Variants in CPHXL2 observed in about 807,000 individuals in gnomAD.
CPHXL2 encodes the protein cytoplasmic polyadenylated homeobox-like protein 2.
the CPHXL2 span, chr16:75,660,762 G>A: frequency 2.5e-6 from 1 of 398,710 alleles, no homozygotes; most frequent in South Asian, 1.3e-4. Context: ...ATATGGCACA[G>A]AAGATGGGGG....
At chr16:75,669,314 C>CG in the CPHXL2 span, 2 of 304,620 alleles carry the variant, frequency 6.6e-6, no homozygotes, top group South Asian at 3.6e-4. Context: ...GAGACCTTTC[C>CG]TAAAAAAAAA....
At chr16:75,662,986 G>C in the CPHXL2 span, among the ~76,000 whole-genome samples, 9 of 152,044 alleles carry the variant, frequency 5.9e-5, no homozygotes, top group Non-Finnish European at 1.2e-4. Flanking sequence ...ATTTTTAGTA[G>C]AGACGGGGTT....
the CPHXL2 span, among the ~76,000 whole-genome samples, chr16:75,666,628 A>T: frequency 5.9e-5 from 9 of 151,914 alleles, 1 homozygote; most frequent in African/African-American, 2.2e-4. Flanking sequence ...AAAAAAAAAA[A>T]AAAATGGAGG....
chr16:75,664,838 C>T, the CPHXL2 span, among the ~76,000 whole-genome samples: 1 of 152,052 alleles, frequency 6.6e-6, no homozygotes, highest in African/African-American at 2.4e-5. Context: ...GACCCCTGAG[C>T]TAGTACCCTC....
At chr16:75,669,622 G>A in the CPHXL2 span, 3 of 397,934 alleles carry the variant, frequency 7.5e-6, no homozygotes, top group Non-Finnish European at 1.3e-5. Flanking sequence ...CCAAAGAAGA[G>A]TGTTAGCACC....
chr16:75,667,862 G>GACT, the CPHXL2 span, among the ~76,000 whole-genome samples: 5 of 152,156 alleles, frequency 3.3e-5, no homozygotes, highest in Admixed American at 6.5e-5. Context: ...CCCCTCCTTA[G>GACT]TAAAAGGCAA....
At chr16:75,669,292 G>C in the CPHXL2 span, 1 of 394,288 alleles carries the variant, frequency 2.5e-6, no homozygotes, top group Non-Finnish European at 4.4e-6. Flanking sequence ...CTCCAGACTG[G>C]GCGACTGGAG....
the CPHXL2 span, among the ~76,000 whole-genome samples, chr16:75,662,210 A>G: frequency 6.6e-6 from 1 of 152,062 alleles, no homozygotes; most frequent in East Asian, 1.9e-4. Flanking sequence ...AGAGTGAGAT[A>G]TGGGGGAAGG....
the CPHXL2 span, among the ~76,000 whole-genome samples, chr16:75,666,688 A>G: frequency 6.6e-6 from 1 of 152,240 alleles, no homozygotes. Flanking sequence ...GACAAAGTCA[A>G]CAAAAAACAA....
the CPHXL2 span, among the ~76,000 whole-genome samples, chr16:75,672,768 C>T: frequency 1.3e-5 from 2 of 152,122 alleles, no homozygotes; most frequent in African/African-American, 4.8e-5. Flanking sequence ...GGGATACAGG[C>T]GTGAGCCACC....
the CPHXL2 span, among the ~76,000 whole-genome samples, chr16:75,665,845 A>C: frequency 6.6e-6 from 1 of 152,204 alleles, no homozygotes; most frequent in Non-Finnish European, 1.5e-5. Context: ...AGCCTGGGCA[A>C]CAGAGCAAGA....
At chr16:75,666,109 C>A in the CPHXL2 span, among the ~76,000 whole-genome samples, 3 of 151,918 alleles carry the variant, frequency 2.0e-5, no homozygotes, top group Non-Finnish European at 4.4e-5. Flanking sequence ...GCAATGGATA[C>A]CAAAAGCAAG....
At chr16:75,671,869 C>G in the CPHXL2 span, among the ~76,000 whole-genome samples, 1 of 152,198 alleles carries the variant, frequency 6.6e-6, no homozygotes, top group Admixed American at 6.5e-5. Context: ...AAATGGAATC[C>G]AAATCAGGGG....
the CPHXL2 span, among the ~76,000 whole-genome samples, chr16:75,665,727 G>A: frequency 6.6e-6 from 1 of 152,138 alleles, no homozygotes. Context: ...TCTGGACATG[G>A]TGGCAGGCGT....
the CPHXL2 span, among the ~76,000 whole-genome samples, chr16:75,674,092 G>A: frequency 1.7e-4 from 26 of 151,110 alleles, no homozygotes; most frequent in Non-Finnish European, 3.1e-4. Flanking sequence ...TCTGTACTTT[G>A]GCTGGGGGTG....
At chr16:75,662,802 T>A in the CPHXL2 span, among the ~76,000 whole-genome samples, 21 of 141,414 alleles carry the variant, frequency 1.5e-4, no homozygotes, top group African/African-American at 5.4e-4. Context: ...AATTCTTTTT[T>A]TTTTTTTTTT....
chr16:75,664,265 ATGTTC>A, the CPHXL2 span, among the ~76,000 whole-genome samples: 1 of 152,204 alleles, frequency 6.6e-6, no homozygotes, highest in African/African-American at 2.4e-5. Context: ...TGTCACAGGC[ATGTTC>A]TTAACCTTGA....
At chr16:75,660,475 G>T in the CPHXL2 span, 2 of 398,618 alleles carry the variant, frequency 5.0e-6, no homozygotes, top group Non-Finnish European at 8.8e-6. Flanking sequence ...TGACTCTGCA[G>T]CTGTGACTGA....
the CPHXL2 span, among the ~76,000 whole-genome samples, chr16:75,674,677 T>C: frequency 1.3e-5 from 2 of 152,062 alleles, no homozygotes; most frequent in African/African-American, 2.4e-5. Flanking sequence ...ACATACTTCC[T>C]GATTTTAAAA....
Sources: gnomAD v4.1 joint callset for allele counts (sites outside exome capture counted in the v4.1 genomes callset) on GRCh38, gnomAD v4.1.1 for gene constraint, MANE v1.5 for transcripts, NCBI Gene and HGNC (gene_info 2026-07-23, HGNC 2026-07-21) for gene names.